The following ETFA variants were observed in gnomAD, a reference collection of about 807,000 sequenced individuals.
The protein encoded by ETFA is electron transfer flavoprotein subunit alpha.
ETFA carries 22 observed loss-of-function variants against 46.2 expected under a neutral mutation model. The observed-to-expected ratio is 0.48, with a 90% CI of 0.34 to 0.68. The LOEUF is 0.68. Among genes scored for constraint, ETFA ranks in the 30% least tolerant of loss-of-function variants. The pLI is 0.01. For synonymous variants in ETFA, 131 were observed against 139.9 expected (o/e 0.94, Z 0.45); for missense variants, 345 against 401.1 (o/e 0.86, Z 1.19).
chr15:76,262,453 G>A (rs1011238177), intron 9 of ETFA, among the ~76,000 whole-genome samples: 3 of 146,652 alleles, frequency 2.0e-5, no homozygotes, highest in Admixed American at 1.4e-4. Context: ...CACACCCCTA[G>A]GTATACCATA....
At position 76,274,508 on chromosome 15, in the gene ETFA, AT is replaced by A; in HGVS notation, c.734-15del. 6.2e-7 allele frequency: 1 copy of A among 1,603,316 alleles called. No homozygotes were observed. On this transcript the variant is annotated splice_polypyrimidine_tract_variant and intron_variant, in intron 8 of 11. Coordinates refer to ENST00000557943, the MANE Select transcript of ETFA (RefSeq NM_000126.4). Reference sequence around the variant, plus strand: ...GGGAAGCACCAACTAAGGGGAAAAAATATTTGTCATTTTTTTCAAGCTCTAT... The same window carrying A: ...GGGAAGCACCAACTAAGGGGAAAAAAATTTGTCATTTTTTTCAAGCTCTAT...
chr15:76,244,664 G>GA (rs74311158), intron 9 of ETFA, among the ~76,000 whole-genome samples: 285 of 141,852 alleles, frequency 2.0e-3, no homozygotes, highest in Non-Finnish European at 2.2e-3. Flanking sequence ...GTTTTTATAG[G>GA]AAAAAAAAAA....
intron 1 of ETFA, among the ~76,000 whole-genome samples, chr15:76,303,106 A>G (rs1369436482): frequency 2.6e-5 from 4 of 152,168 alleles, no homozygotes; most frequent in Non-Finnish European, 5.9e-5. Context: ...GGAGTTCGAG[A>G]CCAGCCTGGC....
At chr15:76,257,186 TG>T (rs982010477) in intron 9 of ETFA, among the ~76,000 whole-genome samples, 8 of 152,164 alleles carry the variant, frequency 5.3e-5, no homozygotes, top group African/African-American at 1.7e-4. Flanking sequence ...CCACCAAGGC[TG>T]GGGCCCAGGT....
chr15:76,295,933 A>ATTTTTTTTTTTTTTTTTTT (rs1555459250), intron 1 of ETFA, among the ~76,000 whole-genome samples, 196 bp from the exon 2 acceptor site: 7 of 58,506 alleles, frequency 1.2e-4, no homozygotes, highest in Non-Finnish European at 2.8e-4. Context: ...TACCACTAAT[A>ATTTTTTTTTTTTTTTTTTT]TTCTTTTTTT....
At chr15:76,288,283 T>C (rs183673477) in intron 4 of ETFA, among the ~76,000 whole-genome samples, 134 of 152,236 alleles carry the variant, frequency 8.8e-4, no homozygotes, top group Admixed American at 2.5e-3. Context: ...TAAGAAAAGA[T>C]AGAACAAATT....
At position 76,307,728 on chromosome 15, in the gene ETFA, T is replaced by C. The variant is rs1039802678; in HGVS notation, c.39+3622A>G. On this transcript the variant is annotated intron_variant, in intron 1 of 11. Coordinates refer to ENST00000557943, the MANE Select transcript of ETFA (RefSeq NM_000126.4). ...CGAACTCCTGAGCTCAGGTGATCCA[T>C]CTGCCTCAGCCTCCCAAAGTGCTGG... 2.6e-5 allele frequency among the ~76,000 whole-genome samples: 4 copies of C among 152,074 alleles called. No individual in the cohort carries two copies. The East Asian group carries it at 7.7e-4, about 29-fold the overall frequency.
chr15:76,279,466 G>T (rs563959416), intron 8 of ETFA, among the ~76,000 whole-genome samples: 4 of 151,986 alleles, frequency 2.6e-5, no homozygotes, highest in Non-Finnish European at 5.9e-5. Flanking sequence ...TTGTAGAGAC[G>T]GGGTTTTGCC....
chr15:76,230,953 G>A (rs1263431788), intron 10 of ETFA: 9 of 199,868 alleles, frequency 4.5e-5, no homozygotes, highest in Non-Finnish European at 6.2e-5. Flanking sequence ...TAAGTTACAC[G>A]TTCAGAACCT....
At chr15:76,233,604 T>TG (rs1161403493) in intron 9 of ETFA, among the ~76,000 whole-genome samples, 2 of 152,152 alleles carry the variant, frequency 1.3e-5, no homozygotes, top group Non-Finnish European at 2.9e-5. Context: ...CTGGGATTAC[T>TG]GGCATGAGCC....
intron 9 of ETFA, chr15:76,260,778 G>C: frequency 6.2e-7 from 1 of 1,603,920 alleles, no homozygotes; most frequent in Non-Finnish European, 8.5e-7. Context: ...CACCCAGTCA[G>C]CATAAGGAGA....
rs1475984278 is a variant in ETFA at position 76,311,382 on chromosome 15, G to C, written c.7C>G (p.Arg3Gly). MF[R>G]AAAPGQLRRA... Reference sequence around the variant, plus strand: ...CGGAGCTGCCCCGGAGCCGCCGCTCGGAACATGGTCTCCGCTTCCGCCGCA... The same window carrying C: ...CGGAGCTGCCCCGGAGCCGCCGCTCCGAACATGGTCTCCGCTTCCGCCGCA... Residue 3 changes from arginine to glycine, a missense_variant, in exon 1 of 12, where the codon CGA (arginine) becomes GGA (glycine). By Grantham distance (125) the Arg-to-Gly change is moderately radical (BLOSUM62 -2). Coordinates refer to ENST00000557943, the MANE Select transcript of ETFA (RefSeq NM_000126.4). 1 of 1,564,076 alleles carries C rather than the reference G, an allele frequency of 6.4e-7. No homozygotes were observed. The highest frequency in any genetic ancestry group is 1.2e-5 in the South Asian group (1 of 85,122).
chr15:76,233,157 G>A (rs1162727880), intron 9 of ETFA, among the ~76,000 whole-genome samples: 2 of 152,138 alleles, frequency 1.3e-5, no homozygotes, highest in Non-Finnish European at 2.9e-5. Context: ...GCAATTGCAT[G>A]CTCTGTGATT....
chr15:76,276,588 A>G (rs2039593920), intron 8 of ETFA, among the ~76,000 whole-genome samples: 1 of 152,022 alleles, frequency 6.6e-6, no homozygotes, highest in Non-Finnish European at 1.5e-5. Context: ...GCTGTTCCAC[A>G]ATTCTTAGAT....
intron 9 of ETFA, among the ~76,000 whole-genome samples, chr15:76,251,437 G>A (rs1596199927): frequency 6.6e-6 from 1 of 152,164 alleles, no homozygotes; most frequent in South Asian, 2.1e-4. Flanking sequence ...TAAATAAGGG[G>A]TTTTAAAAGG....
chr15:76,283,698 G>A, intron 8 of ETFA, 59 bp downstream of exon 8: 1 of 1,143,490 alleles, frequency 8.7e-7, no homozygotes, highest in Non-Finnish European at 1.3e-6. Context: ...ATGAAATAAT[G>A]AAGAAAAAAT....
intron 9 of ETFA, among the ~76,000 whole-genome samples, chr15:76,241,582 C>T (rs576783277): frequency 1.3e-5 from 2 of 151,942 alleles, no homozygotes; most frequent in African/African-American, 2.4e-5. Flanking sequence ...AGGCGGATCA[C>T]GAGGTCAGGA....
At chr15:76,264,787 T>C (rs2039453267) in intron 9 of ETFA, among the ~76,000 whole-genome samples, 1 of 152,208 alleles carries the variant, frequency 6.6e-6, no homozygotes, top group Non-Finnish European at 1.5e-5. Context: ...GGAAAGAATA[T>C]GTCCCGTTTC....
chr15:76,297,491 T>G (rs2039836674), intron 1 of ETFA, among the ~76,000 whole-genome samples: 1 of 152,034 alleles, frequency 6.6e-6, no homozygotes, highest in Non-Finnish European at 1.5e-5. Context: ...ATATTTTTTA[T>G]TATGTTTCAC....
Sources: gnomAD v4.1 joint callset for allele counts (sites outside exome capture counted in the v4.1 genomes callset) on GRCh38, gnomAD v4.1.1 for gene constraint, MANE v1.5 for transcripts, NCBI Gene and HGNC (gene_info 2026-07-23, HGNC 2026-07-21) for gene names.